The following RNF121 variants were observed in gnomAD, a reference collection of about 807,000 sequenced individuals.
RNF121 encodes the protein ring finger protein 121.
A neutral mutation model predicts 46.5 loss-of-function variants in RNF121; 21 were observed. The ratio of observed to expected loss-of-function variants is 0.45; its 90% CI spans 0.32 to 0.65. The LOEUF is 0.65. RNF121 is among the 30% of genes least tolerant of loss of function. The pLI is 0.04. For synonymous variants in RNF121, 139 were observed against 144.7 expected (o/e 0.96, Z 0.28); for missense variants, 346 against 416.0 (o/e 0.83, Z 1.46).
chr11:71,988,652 A>G (rs200466536), intron 5 of RNF121, among the ~76,000 whole-genome samples: 86 of 150,350 alleles, frequency 5.7e-4, no homozygotes, highest in African/African-American at 1.8e-3. Flanking sequence ...AAAAAAAAAA[A>G]AAAGAAAGAA....
intron 6 of RNF121, 27 bp from the exon 7 acceptor site, chr11:71,994,692 T>C (rs371135660): frequency 7.4e-6 from 12 of 1,613,650 alleles, no homozygotes; most frequent in Non-Finnish European, 9.3e-6. Context: ...TCTTTTCCTA[T>C]CTTTCCTTCC....
intron 3 of RNF121, among the ~76,000 whole-genome samples, chr11:71,967,965 G>A (rs1298309836): frequency 6.6e-6 from 1 of 152,080 alleles, no homozygotes; most frequent in Non-Finnish European, 1.5e-5. Context: ...TCAGGAATAA[G>A]CCTTCTGACA....
intron 1 of RNF121, among the ~76,000 whole-genome samples, chr11:71,949,913 A>G (rs1005352269): frequency 1.3e-5 from 2 of 152,002 alleles, no homozygotes; most frequent in East Asian, 3.9e-4. Flanking sequence ...GAGGCAGAGA[A>G]TTGCTTAAAC....
chr11:71,971,383 AAAAT>A (rs1207954393), intron 3 of RNF121, among the ~76,000 whole-genome samples: 1 of 152,230 alleles, frequency 6.6e-6, no homozygotes, highest in African/African-American at 2.4e-5. Context: ...ACCCTGTCTC[AAAAT>A]AAATAAGTAA....
chr11:71,956,105 T>C (rs958425854), intron 1 of RNF121, among the ~76,000 whole-genome samples: 1 of 152,238 alleles, frequency 6.6e-6, no homozygotes, highest in Non-Finnish European at 1.5e-5. Flanking sequence ...GTTCTACCTG[T>C]GTTACTATTT....
intron 1 of RNF121, among the ~76,000 whole-genome samples, chr11:71,940,704 C>T (rs1252904236): frequency 1.3e-5 from 2 of 152,144 alleles, no homozygotes; most frequent in Non-Finnish European, 1.5e-5. Context: ...CCTGCTCTCA[C>T]GAGATTAATA....
chr11:71,993,841 CTTTTT>C (rs531353613), intron 6 of RNF121, among the ~76,000 whole-genome samples: 2 of 136,096 alleles, frequency 1.5e-5, no homozygotes, highest in African/African-American at 2.7e-5. Context: ...GACACTTCCT[CTTTTT>C]TTTTTTTTTT....
intron 3 of RNF121, among the ~76,000 whole-genome samples, chr11:71,982,341 A>AAAAAAG: frequency 6.8e-6 from 1 of 147,350 alleles, no homozygotes; most frequent in South Asian, 2.1e-4. Context: ...ATCTCAAAAA[A>AAAAAAG]AAAAAAAAAA....
intron 1 of RNF121, among the ~76,000 whole-genome samples, chr11:71,951,139 G>T (rs1016427770): frequency 2.0e-5 from 3 of 150,760 alleles, no homozygotes; most frequent in Non-Finnish European, 4.4e-5. Flanking sequence ...TGGGAGAATC[G>T]CTTGAACCTG....
At chr11:71,951,165 G>T (rs1226916510) in intron 1 of RNF121, among the ~76,000 whole-genome samples, 1 of 149,998 alleles carries the variant, frequency 6.7e-6, no homozygotes, top group Non-Finnish European at 1.5e-5. Context: ...CAGAGGTTGC[G>T]GTAAGCCGAG....
intron 1 of RNF121, among the ~76,000 whole-genome samples, chr11:71,937,693 C>T (rs528120120): frequency 5.3e-5 from 8 of 152,258 alleles, no homozygotes; most frequent in African/African-American, 7.2e-5. Context: ...TAGTCCTTGT[C>T]GTACCTTTTC....
intron 1 of RNF121, among the ~76,000 whole-genome samples, chr11:71,954,319 A>G (rs1049267758): frequency 1.3e-5 from 2 of 152,200 alleles, no homozygotes; most frequent in African/African-American, 4.8e-5. Flanking sequence ...GGAGGCAAAT[A>G]TTAAAGCCAG....
At chr11:71,991,154 C>G (rs1289407983) in intron 6 of RNF121, among the ~76,000 whole-genome samples, 16 of 152,076 alleles carry the variant, frequency 1.1e-4, no homozygotes, top group Admixed American at 9.2e-4. Flanking sequence ...CATTCGCACC[C>G]CAGACCTCAG....
chr11:71,963,979 T>C (rs151013070), intron 3 of RNF121, among the ~76,000 whole-genome samples: 1 of 152,254 alleles, frequency 6.6e-6, no homozygotes, highest in Non-Finnish European at 1.5e-5. Flanking sequence ...TTTTCAAGAT[T>C]GTTTCAGCTA....
Position 71,982,909 on chromosome 11 carries a change from C to A in RNF121, c.392C>A (p.Thr131Asn). ...RATRKPLVQT[T>N]PRLVYKWFLL... ...ACCCGAAAACCTCTAGTACAGACAA[C>A]CCCAAGGTGAGAGTTTAAGTAGTGG... is the stretch of plus-strand genomic sequence containing the variant. Residue 131 changes from threonine to asparagine, a missense_variant, in exon 4 of 9, where the codon ACC becomes AAC. Transcript: ENST00000361756. 6.2e-7 allele frequency: 1 copy of A among 1,606,092 alleles called. No homozygotes were observed.
chr11:71,954,597 G>A (rs1292763069), intron 1 of RNF121, among the ~76,000 whole-genome samples: 1 of 152,182 alleles, frequency 6.6e-6, no homozygotes, highest in African/African-American at 2.4e-5. Flanking sequence ...AATGAAGTCA[G>A]AAGTCTTATT....
In RNF121 at chr11:71,957,227, G is replaced by A; in HGVS notation, c.64G>A (p.Val22Ile). The A allele has an allele frequency of 6.3e-7, 1 of 1,599,988 alleles. No individual in the cohort carries two copies. The highest frequency in any genetic ancestry group is 8.6e-7 in the Non-Finnish European group (1 of 1,167,102). The change falls in exon 2 of 9, where the codon GTT (valine) becomes ATT (isoleucine). Residue 22 changes from valine (V) to isoleucine (I), a missense_variant and splice_region_variant. By Grantham distance (29) the Val-to-Ile change is conservative. Coordinates refer to ENST00000361756, the MANE Select transcript of RNF121 (RefSeq NM_018320.5). ...TTTTTCTGGTGGTGTCTTTCTACAG[G>A]TTGATATGTCAGATCTCTCTCCAGA... ...GAAGERELDE[V>I]DMSDLSPEEQ...
At chr11:71,961,358 C>G (rs1384666358) in intron 3 of RNF121, among the ~76,000 whole-genome samples, 2 of 152,010 alleles carry the variant, frequency 1.3e-5, no homozygotes, top group Non-Finnish European at 2.9e-5. Context: ...CTCAGGAGTT[C>G]AAGACTAGCC....
At chr11:71,993,985 C>T (rs1247412162) in intron 6 of RNF121, among the ~76,000 whole-genome samples, 3 of 151,812 alleles carry the variant, frequency 2.0e-5, no homozygotes, top group African/African-American at 4.8e-5. Flanking sequence ...GGACTACAGG[C>T]GCCCCCCACC....
Sources: allele counts gnomAD v4.1 joint callset (sites outside exome capture counted in the v4.1 genomes callset), GRCh38; gene constraint gnomAD v4.1.1; transcripts MANE v1.5; gene names NCBI Gene and HGNC (gene_info 2026-07-23, HGNC 2026-07-21).